The following SREK1 variants were observed in gnomAD, a reference collection of about 807,000 sequenced individuals.
SREK1 encodes splicing regulatory glutamine/lysine-rich protein 1.
Under a neutral mutation model 66.5 loss-of-function variants are expected in SREK1, and 13 were observed. That is an observed-to-expected ratio of 0.20 (90% confidence interval 0.13 to 0.31). SREK1 has a LOEUF of 0.31. Ranked by LOEUF, SREK1 falls within the 10% of genes least tolerant of loss-of-function variation. The pLI, the probability that SREK1 is intolerant of heterozygous loss-of-function variation, is 1.00. For synonymous variants in SREK1, 265 were observed against 263.5 expected (o/e 1.01, Z -0.05); for missense variants, 607 against 769.6 (o/e 0.79, Z 2.50).
Position 66,144,339 on chromosome 5 carries a change from A to G in SREK1, c.-38A>G, listed in dbSNP as rs1434012508. 2.7e-6 allele frequency: 4 copies of G among 1,481,960 alleles called. No individual in the cohort carries two copies. In the African/African-American group the frequency reaches 5.7e-5, roughly 21 times the overall value. 91.8% of individuals were successfully genotyped at this position (1,481,960 alleles called of 1,614,324 possible). A position where few individuals can be genotyped will look rare whatever the true frequency, so the allele number is the denominator to read the frequency against. On this transcript the variant is annotated 5_prime_UTR_variant, in exon 1 of 12. Transcript: ENST00000334121. ...CGGCTCCGTCGCTGACGCGTCGTAGACGTTGGGGAGCGGGAAGGCAACGGC... is the reference window on the plus strand; with the variant it reads ...CGGCTCCGTCGCTGACGCGTCGTAGGCGTTGGGGAGCGGGAAGGCAACGGC...
chr5:66,176,203 A>T (rs998095877), intron 10 of SREK1, among the ~76,000 whole-genome samples: 2 of 152,076 alleles, frequency 1.3e-5, no homozygotes, highest in South Asian at 2.1e-4. Flanking sequence ...CATTAGTTTG[A>T]TATGTTGCCT....
chr5:66,151,871 A>G (rs1580622637), intron 1 of SREK1, among the ~76,000 whole-genome samples: 2 of 103,392 alleles, frequency 1.9e-5, no homozygotes, highest in African/African-American at 3.8e-5. Flanking sequence ...TTTGAGAAGG[A>G]GTCTCGCTCT....
At chr5:66,158,889 T>A in intron 2 of SREK1, 1 of 1,296,058 alleles carries the variant, frequency 7.7e-7, no homozygotes, top group South Asian at 1.2e-5. Flanking sequence ...AAAGCGTCCA[T>A]GCTTGATATC....
chr5:66,165,680 A>C (rs1277022261), intron 7 of SREK1: 3 of 152,256 alleles, frequency 2.0e-5, no homozygotes, highest in African/African-American at 7.2e-5. Context: ...CTGTTTTTGA[A>C]ATGTGAAAGT....
chr5:66,153,616 T>C lies in SREK1; in HGVS notation c.295+20T>C, dbSNP rs1025898438. ...CAGAAGGTTGGTATCTCGCTTTTTT[T>C]CCTCTTATTTGAATTTCTGTCCTGT... On this transcript the variant is annotated intron_variant, in intron 2 of 11. Coordinates refer to ENST00000334121, the MANE Select transcript of SREK1 (RefSeq NM_001077199.3). 8.6e-5 allele frequency: 138 copies of C among 1,613,870 alleles called. No homozygotes were observed. Among genetic ancestry groups the C allele is most frequent in the Non-Finnish European group, 1.1e-4 (130 of 1,179,840 alleles).
chr5:66,162,624 A>G, intron 5 of SREK1, 32 bp downstream of exon 5: 1 of 1,545,670 alleles, frequency 6.5e-7, no homozygotes, highest in Non-Finnish European at 8.7e-7. Context: ...AATTTTAATG[A>G]TTTTGAAACA....
At chr5:66,177,448 T>A in intron 10 of SREK1, 66 bp from the exon 11 acceptor site, 1 of 1,263,034 alleles carries the variant, frequency 7.9e-7, no homozygotes, top group Non-Finnish European at 1.1e-6. Context: ...AAAAGGATAT[T>A]TTGTCAAGAA....
intron 2 of SREK1, chr5:66,156,092 T>C: frequency 6.6e-7 from 1 of 1,521,280 alleles, no homozygotes; most frequent in Non-Finnish European, 8.8e-7. Context: ...GGCAGACCTG[T>C]TACACTTGCC....
In SREK1 at chr5:66,156,448, A is replaced by G. The variant is rs1744291759; in HGVS notation, c.296-2771A>G. The G allele has an allele frequency of 3.8e-6, 4 of 1,041,318 alleles. No homozygotes were observed. In the African/African-American group the frequency reaches 6.8e-5, roughly 18 times the overall value. The allele number at this position is 1,041,318 out of a possible 1,614,324, so 64.5% of individuals were successfully genotyped here. ...ATTTTCATGTGGTAAATTAGGATAC[A>G]GTGTTGTGAAGCTCATTGTGAGTCT... On this transcript the variant is annotated intron_variant, in intron 2 of 11. Transcript: ENST00000334121.
At chr5:66,164,710 A>G in intron 6 of SREK1, 73 bp from the exon 7 acceptor site, 1 of 1,611,814 alleles carries the variant, frequency 6.2e-7, no homozygotes. Flanking sequence ...GGTACATTCC[A>G]CTTGTGCCTG....
At chr5:66,149,924 A>G (rs1743623092) in intron 1 of SREK1, among the ~76,000 whole-genome samples, 1 of 152,266 alleles carries the variant, frequency 6.6e-6, no homozygotes, top group African/African-American at 2.4e-5. Flanking sequence ...CCAGAAGGGT[A>G]TCAGCAATCA....
chr5:66,149,349 C>CA (rs59361484), intron 1 of SREK1, among the ~76,000 whole-genome samples: 25,922 of 142,146 alleles, frequency 0.18, 2,462 homozygotes, highest in Admixed American at 0.25. Flanking sequence ...AACTCTGTCT[C>CA]AAAAAAAAAA....
chr5:66,179,597 C>T lies in SREK1; in HGVS notation c.*729C>T, dbSNP rs995656288. On this transcript the variant is annotated 3_prime_UTR_variant, in exon 12 of 12. Coordinates refer to ENST00000334121, the MANE Select transcript of SREK1 (RefSeq NM_001077199.3). ...TCAGTGTTTAGAATCATTGGGACTACCCACAAAGTGAGCATTTCTTTTTAA... is the reference window on the plus strand; with the variant it reads ...TCAGTGTTTAGAATCATTGGGACTATCCACAAAGTGAGCATTTCTTTTTAA... 3.9e-5 allele frequency: 6 copies of T among 152,460 alleles called. No homozygotes were observed. The highest frequency in any genetic ancestry group is 8.8e-5 in the Non-Finnish European group (6 of 67,948). 9.4% of individuals were successfully genotyped at this position (152,460 alleles called of 1,614,324 possible).
At chr5:66,169,125 C>A (rs191571789) in intron 7 of SREK1, 1 of 152,258 alleles carries the variant, frequency 6.6e-6, no homozygotes, top group African/African-American at 2.4e-5. Context: ...TGTTTTGTTA[C>A]AATTTAATAA....
rs567131641 is a variant in SREK1 at position 66,175,691 on chromosome 5, T to C, written c.1580+650T>C. On this transcript the variant is annotated intron_variant, in intron 10 of 11. Coordinates refer to ENST00000334121, the MANE Select transcript of SREK1 (RefSeq NM_001077199.3). ...TCCTCTATAAGAGTTGGCAGCAGTT[T>C]GCACTCTTAATTATGAGAGAAGTGA... 3.3e-5 allele frequency among the ~76,000 whole-genome samples: 5 copies of C among 152,300 alleles called. No homozygotes were observed. In the East Asian group the frequency reaches 5.8e-4, roughly 18 times the overall value.
At chr5:66,157,123 A>G (rs1744352842) in intron 2 of SREK1, 3 of 944,812 alleles carry the variant, frequency 3.2e-6, no homozygotes, top group Non-Finnish European at 2.5e-6. Context: ...TTAGAATGGT[A>G]ATTGAAAGTT....
intron 9 of SREK1, 134 bp downstream of exon 9, chr5:66,171,081 T>G: frequency 9.0e-7 from 1 of 1,113,494 alleles, no homozygotes; most frequent in Non-Finnish European, 1.2e-6. Context: ...TTCTCCTAAT[T>G]TCAGAGTAAA....
intron 9 of SREK1, chr5:66,174,661 C>T (rs1432776439): frequency 4.4e-6 from 1 of 228,108 alleles, no homozygotes; most frequent in South Asian, 1.3e-4. Flanking sequence ...ATTTTTTCTA[C>T]TGAAGAAATT....
In SREK1 at chr5:66,177,620, G is replaced by T. The variant is rs373928958; in HGVS notation, c.1687G>T (p.Gly563Trp). The T allele has an allele frequency of 6.2e-7, 1 of 1,608,136 alleles. No individual in the cohort carries two copies. Among genetic ancestry groups the T allele is most frequent in the Non-Finnish European group, 8.5e-7 (1 of 1,177,700 alleles). ...SMRKSSNDRD[G>W]KEKLEKNSTS... ...GAGAAAGAGTTCTAATGATAGAGAT[G>T]GGAAGGAGAAGTTGGAGAAGAACAG... The change falls in exon 11 of 12, where the codon GGG becomes TGG. Residue 563 changes from glycine (G) to tryptophan (W), a missense_variant. By Grantham distance (184) the Gly-to-Trp change is radical. This residue lies in a region of SREK1 where 318 missense variants were observed against 310.3 expected (regional missense o/e 1.02). Coordinates refer to ENST00000334121, the MANE Select transcript of SREK1 (RefSeq NM_001077199.3).
Sources: gnomAD v4.1 joint callset for allele counts (sites outside exome capture counted in the v4.1 genomes callset) on GRCh38, gnomAD v4.1.1 for gene constraint, gnomAD v4.1.1 regional missense constraint, MANE v1.5 for transcripts, NCBI Gene and HGNC (gene_info 2026-07-23, HGNC 2026-07-21) for gene names.